The following UXS1 variants were observed in gnomAD, a reference collection of about 807,000 sequenced individuals.
UXS1 encodes the protein UDP-glucuronic acid decarboxylase 1.
UXS1 carries 33 observed loss-of-function variants against 62.6 expected under a neutral mutation model. The observed-to-expected ratio is 0.53, with a 90% CI of 0.40 to 0.70. UXS1 has a LOEUF of 0.70. UXS1 is among the 30% of genes least tolerant of loss of function. UXS1 has a pLI of 0.00. For missense variants in UXS1, 434 were observed against 556.3 expected (o/e 0.78, Z 2.21); for synonymous variants, 213 against 206.8 (o/e 1.03, Z -0.26).
chr2:106,152,554 GAAA>G (rs1382667794), intron 5 of UXS1, among the ~76,000 whole-genome samples: 7 of 120,576 alleles, frequency 5.8e-5, no homozygotes, highest in African/African-American at 2.1e-4. Flanking sequence ...GAGAAAGGGA[GAAA>G]GAAAGGAAGG....
intron 1 of UXS1, among the ~76,000 whole-genome samples, chr2:106,187,027 C>T (rs1285105894): frequency 1.3e-5 from 2 of 151,500 alleles, no homozygotes; most frequent in Admixed American, 1.3e-4. Context: ...TACGTCTGCA[C>T]CTTTCAAATA....
intron 2 of UXS1, 95 bp downstream of exon 2, chr2:106,165,961 T>C: frequency 8.1e-7 from 1 of 1,233,146 alleles, no homozygotes; most frequent in Non-Finnish European, 1.1e-6. Flanking sequence ...TAAAAATATT[T>C]TTCAATTAAC....
intron 11 of UXS1, among the ~76,000 whole-genome samples, chr2:106,103,866 T>C (rs1308582268): frequency 6.6e-6 from 1 of 152,174 alleles, no homozygotes; most frequent in Non-Finnish European, 1.5e-5. Context: ...ACCAGTTCCA[T>C]TTCTCCACGG....
chr2:106,110,254 C>T (rs1335693504), intron 10 of UXS1, among the ~76,000 whole-genome samples: 1 of 152,186 alleles, frequency 6.6e-6, no homozygotes, highest in African/African-American at 2.4e-5. Context: ...CAGTCATGGA[C>T]GGCTCCAGAG....
At chr2:106,117,901 G>GGTT (rs1679187906) in intron 9 of UXS1, among the ~76,000 whole-genome samples, 1 of 152,268 alleles carries the variant, frequency 6.6e-6, no homozygotes, top group African/African-American at 2.4e-5. Context: ...GGTGCTAAAA[G>GGTT]GTTCAAGTTG....
intron 5 of UXS1, among the ~76,000 whole-genome samples, chr2:106,154,791 A>AT (rs1682304885): frequency 1.3e-5 from 2 of 152,250 alleles, no homozygotes; most frequent in African/African-American, 4.8e-5. Flanking sequence ...CTGCTGGCTC[A>AT]TTACAACAAA....
Position 106,096,622 on chromosome 2 carries a change from C to T in UXS1, c.1146+96G>A, listed in dbSNP as rs766519208. ...GGATGCCGAGCCCACCTTGCTCCTCCGGGGGCTGTCTGACAAGGGTCAGTG... is the reference window on the plus strand; with the variant it reads ...GGATGCCGAGCCCACCTTGCTCCTCTGGGGGCTGTCTGACAAGGGTCAGTG... On this transcript the variant is annotated intron_variant, in intron 14 of 14. Transcript: ENST00000283148. The T allele has an allele frequency of 1.4e-5, 16 of 1,175,496 alleles. 1 individual carries two copies. Among genetic ancestry groups the T allele is most frequent in the South Asian group, 6.6e-5 (4 of 60,980 alleles). The allele number at this position is 1,175,496 out of a possible 1,614,324, so 72.8% of individuals were successfully genotyped here.
At position 106,194,175 on chromosome 2, in the gene UXS1, C is replaced by T. The variant is rs1164271564; in HGVS notation, c.67G>A (p.Gly23Ser). The T allele has an allele frequency of 2.0e-6, 3 of 1,486,258 alleles. No homozygotes were observed. The highest frequency in any genetic ancestry group is 2.7e-6 in the Non-Finnish European group (3 of 1,116,726). 92.1% of individuals were successfully genotyped at this position (1,486,258 alleles called of 1,614,324 possible). A position where few individuals can be genotyped will look rare whatever the true frequency, so the allele number is the denominator to read the frequency against. ...VNRRRMKLLLGIALLAYVASV... is the reference protein window; with the variant it reads ...VNRRRMKLLLSIALLAYVASV... ...GCGACGTAGGCCAGCAAGGCGATGCCCAGCAGCAGCTTCATCCTCCTGCGG... is the reference window on the plus strand; with the variant it reads ...GCGACGTAGGCCAGCAAGGCGATGCTCAGCAGCAGCTTCATCCTCCTGCGG... The change falls in exon 1 of 15, where the codon GGC becomes AGC. Residue 23 changes from glycine (G) to serine (S), a missense_variant. This residue lies in a region of UXS1 where 91 missense variants were observed against 71.1 expected (regional missense o/e 1.28). Coordinates refer to ENST00000283148, the MANE Select transcript of UXS1 (RefSeq NM_001253875.2).
At chr2:106,188,886 T>C (rs1684745782) in intron 1 of UXS1, among the ~76,000 whole-genome samples, 1 of 152,092 alleles carries the variant, frequency 6.6e-6, no homozygotes, top group South Asian at 2.1e-4. Context: ...CCAGAGAATA[T>C]ACCATGAAAT....
In UXS1 at chr2:106,094,152, C is replaced by A; in HGVS notation, c.1152G>T (p.Pro384=). 2 of 1,609,278 alleles carry A rather than the reference C, an allele frequency of 1.2e-6. No individual in the cohort carries two copies. The highest frequency in any genetic ancestry group is 1.7e-5 in the Admixed American group (1 of 59,454). ...KLMLGWEPVV[P]LEEGLNKAIH... is the part of the protein sequence containing the mutation. ...TTGCTTTGTTTAAACCTTCCTCCAG[C>A]GGGACCTGTTTAAAGGGAAAGCAAG... The change falls in exon 15 of 15, where the codon CCG becomes CCT. Residue 384 remains proline, a synonymous_variant. Coordinates refer to ENST00000283148, the MANE Select transcript of UXS1 (RefSeq NM_001253875.2).
At chr2:106,113,135 C>G (rs944619393) in intron 9 of UXS1, among the ~76,000 whole-genome samples, 1 of 152,112 alleles carries the variant, frequency 6.6e-6, no homozygotes, top group Non-Finnish European at 1.5e-5. Context: ...CTTTTCTAAT[C>G]TTTTTCACAT....
chr2:106,121,850 C>A (rs1405060518), intron 9 of UXS1, among the ~76,000 whole-genome samples: 1 of 152,156 alleles, frequency 6.6e-6, no homozygotes, highest in African/African-American at 2.4e-5. Flanking sequence ...TCTCTCCTAC[C>A]CCTCAGAGAG....
intron 1 of UXS1, among the ~76,000 whole-genome samples, chr2:106,189,642 G>C (rs964014879): frequency 6.6e-6 from 1 of 152,012 alleles, no homozygotes; most frequent in Non-Finnish European, 1.5e-5. Context: ...GGGGGACAGG[G>C]GGCTGGACAT....
intron 12 of UXS1, 161 bp downstream of exon 12, chr2:106,100,890 ACTCTTAC>A: frequency 1.2e-6 from 1 of 821,842 alleles, no homozygotes; most frequent in Non-Finnish European, 1.9e-6. Flanking sequence ...TTCTTTGTAT[ACTCTTAC>A]TTTGTGTTTG....
intron 1 of UXS1, among the ~76,000 whole-genome samples, chr2:106,193,718 G>C (rs756731424): frequency 1.3e-5 from 2 of 152,332 alleles, no homozygotes; most frequent in East Asian, 3.9e-4. Context: ...AATGGCCACA[G>C]TATTTTTATC....
intron 6 of UXS1, among the ~76,000 whole-genome samples, chr2:106,130,213 T>G (rs1680324621): frequency 6.6e-6 from 1 of 152,188 alleles, no homozygotes; most frequent in Admixed American, 6.5e-5. Flanking sequence ...CGTTTGTTTT[T>G]ATGCATCCTG....
rs1385602934 is a variant in UXS1 at position 106,123,486 on chromosome 2, A to G, written c.638-395T>C. On this transcript the variant is annotated intron_variant, in intron 8 of 14. Coordinates refer to ENST00000283148, the MANE Select transcript of UXS1 (RefSeq NM_001253875.2). ...CAAATCATGTATTTATTGAAAAAAA[A>G]TGAAAAACGCAGCATCTCTGGAACA... Among the ~76,000 whole-genome samples, 3 of 152,308 alleles carry G rather than the reference A, an allele frequency of 2.0e-5. No individual in the cohort carries two copies. The East Asian group carries it at 5.8e-4, about 29-fold the overall frequency.
chr2:106,161,197 T>C (rs559020175), intron 4 of UXS1, among the ~76,000 whole-genome samples: 1 of 152,120 alleles, frequency 6.6e-6, no homozygotes, highest in East Asian at 1.9e-4. Context: ...CCTTTTTTTT[T>C]TTTCCTTTTT....
At chr2:106,163,325 T>G (rs1245651980) in intron 4 of UXS1, among the ~76,000 whole-genome samples, 1 of 5,622 alleles carries the variant, frequency 1.8e-4, no homozygotes, top group Non-Finnish European at 5.9e-3. Flanking sequence ...GGTGTTTGCA[T>G]ATGGTACATT....
Sources: gnomAD v4.1 joint callset for allele counts (sites outside exome capture counted in the v4.1 genomes callset) on GRCh38, gnomAD v4.1.1 for gene constraint, gnomAD v4.1.1 regional missense constraint, MANE v1.5 for transcripts, NCBI Gene and HGNC (gene_info 2026-07-23, HGNC 2026-07-21) for gene names.